CEP152: variants seen among roughly 807,000 people sequenced by gnomAD.
CEP152 encodes centrosomal protein of 152 kDa.
CEP152 carries 132 observed loss-of-function variants against 188.9 expected under a neutral mutation model. The ratio of observed to expected loss-of-function variants is 0.70; its 90% confidence interval spans 0.61 to 0.81. The LOEUF (loss-of-function observed/expected upper bound fraction) is 0.81, where lower values mean the gene tolerates loss of function less well. Among genes scored for constraint, CEP152 ranks in the 30% least tolerant of loss-of-function variants. The probability of loss-of-function intolerance (pLI) is 0.00; values close to 1 mark genes in which losing one functional copy is unlikely to be tolerated. For synonymous variants in CEP152, 649 were observed against 666.6 expected, an observed-to-expected ratio of 0.97 and a Z score of 0.41; for missense variants, 1,914 against 1,969.8, an observed-to-expected ratio of 0.97 and a Z score of 0.54.
chr15:48,762,350 G>A, intron 18 of CEP152, 41 bp downstream of exon 18: 1 of 1,551,786 alleles, frequency 6.4e-7, no homozygotes, highest in Non-Finnish European at 8.9e-7. Flanking sequence ...TTAAGAGACA[G>A]GCAGTTCCAA....
At chr15:48,807,561 CAAAAAAAAAAA>C (rs11320949) in intron 1 of CEP152, among the ~76,000 whole-genome samples, 7 of 109,126 alleles carry the variant, frequency 6.4e-5, no homozygotes, top group Non-Finnish European at 1.3e-4. Flanking sequence ...GACTCCGTCT[CAAAAAAAAAAA>C]AAAAAAAGAG....
intron 18 of CEP152, 113 bp downstream of exon 18, chr15:48,762,278 C>A: frequency 9.3e-7 from 1 of 1,076,538 alleles, no homozygotes. Flanking sequence ...CCTAGAAATG[C>A]ACAAAATCTT....
intron 19 of CEP152, among the ~76,000 whole-genome samples, 163 bp from the exon 20 acceptor site, chr15:48,756,716 TACACTA>T (rs1287152390): frequency 6.6e-6 from 1 of 152,176 alleles, no homozygotes; most frequent in Non-Finnish European, 1.5e-5. Flanking sequence ...AAACTATACT[TACACTA>T]AAATTGGTCA....
At chr15:48,758,033 C>A (rs150840637) in intron 19 of CEP152, among the ~76,000 whole-genome samples, 1 of 152,326 alleles carries the variant, frequency 6.6e-6, no homozygotes, top group Non-Finnish European at 1.5e-5. Context: ...CTTTGCTGCA[C>A]ATTAGAATCA....
chr15:48,793,289 T>A, intron 7 of CEP152, 32 bp downstream of exon 7: 1 of 1,612,152 alleles, frequency 6.2e-7, no homozygotes, highest in African/African-American at 1.3e-5. Flanking sequence ...TAACTCAGTG[T>A]ACCTCATAAA....
At chr15:48,746,865 C>G (rs1893472321) in intron 22 of CEP152, among the ~76,000 whole-genome samples, 1 of 152,072 alleles carries the variant, frequency 6.6e-6, no homozygotes, top group Non-Finnish European at 1.5e-5. Flanking sequence ...GAAAGCCTCC[C>G]TGAGGAAGTA....
Position 48,793,081 on chromosome 15 carries a change from C to T in CEP152, c.832+240G>A, listed in dbSNP as rs34696223. On this transcript the variant is annotated intron_variant, in intron 7 of 26. Transcript: ENST00000380950. ...AAGTGATCCGCCCACCTCAGCCTCC[C>T]AAAGTGCTGGGATTACAGGCGTAAG... Among the ~76,000 whole-genome samples, 6,903 of 152,256 alleles carry T rather than the reference C, an allele frequency of 0.045. 191 individuals carry two copies. The highest frequency in any genetic ancestry group is 0.071 in the Non-Finnish European group (4,841 of 68,018).
At chr15:48,736,756 T>G (rs1892619121), downstream of CEP152, among the ~76,000 whole-genome samples, 1 of 152,208 alleles carries the variant, frequency 6.6e-6, no homozygotes, top group African/African-American at 2.4e-5. Context: ...GCAAGAGAAC[T>G]TCCAATTTCA....
At chr15:48,760,357 T>A in intron 18 of CEP152, 91 bp from the exon 19 acceptor site, 1 of 1,425,720 alleles carries the variant, frequency 7.0e-7, no homozygotes, top group Non-Finnish European at 9.8e-7. Flanking sequence ...TTCAGTATTT[T>A]ATACTGTATA....
chr15:48,776,047 A>AAC (rs970900747), intron 12 of CEP152, among the ~76,000 whole-genome samples: 5 of 152,004 alleles, frequency 3.3e-5, no homozygotes, highest in African/African-American at 1.2e-4. Flanking sequence ...GGGAAAAAAA[A>AAC]AACAGAAAAT....
At chr15:48,751,515 G>C (rs1893871200) in intron 21 of CEP152, among the ~76,000 whole-genome samples, 1 of 152,172 alleles carries the variant, frequency 6.6e-6, no homozygotes, top group Admixed American at 6.5e-5. Flanking sequence ...CTAAGATTCT[G>C]GTAACATTGC....
downstream of CEP152, among the ~76,000 whole-genome samples, chr15:48,734,258 A>G (rs1311811399): frequency 2.0e-5 from 3 of 151,282 alleles, no homozygotes; most frequent in Non-Finnish European, 2.9e-5. Context: ...ATAATAGCAC[A>G]AAGGAGGGGC....
intron 9 of CEP152, 78 bp from the exon 10 acceptor site, chr15:48,784,198 A>ATTT: frequency 7.4e-7 from 1 of 1,353,840 alleles, no homozygotes; most frequent in Non-Finnish European, 1.0e-6. Context: ...ATGATACATA[A>ATTT]TTAGATTTGA....
Position 48,796,092 on chromosome 15 carries a change from C to T in CEP152, c.609G>A (p.Gln203=). 2.5e-6 allele frequency: 4 copies of T among 1,613,832 alleles called. No individual in the cohort carries two copies. Among genetic ancestry groups the T allele is most frequent in the Non-Finnish European group, 3.4e-6 (4 of 1,179,852 alleles). ...VTYKPYQSSA[Q]NNGSPAQEIT... is the part of the protein sequence containing the mutation. ...TCTCCTGGGCTGGTGAGCCATTATT[C>T]TGGGCAGAAGACTGATAAGGTTTAT... is the stretch of plus-strand genomic sequence containing the variant. Residue 203 remains glutamine, a synonymous_variant, in exon 6 of 27, where the codon CAG becomes CAA. Coordinates refer to ENST00000380950, the MANE Select transcript of CEP152 (RefSeq NM_001194998.2).
intron 12 of CEP152, among the ~76,000 whole-genome samples, chr15:48,773,020 CTAACAGAAACAACA>C (rs1427125589): frequency 6.6e-6 from 1 of 152,068 alleles, no homozygotes; most frequent in Non-Finnish European, 1.5e-5. Flanking sequence ...CTTTATGACT[CTAACAGAAACAACA>C]TAAATATTAA....
At chr15:48,809,973 G>A (rs1212513263) in intron 1 of CEP152, among the ~76,000 whole-genome samples, 2 of 152,146 alleles carry the variant, frequency 1.3e-5, no homozygotes, top group African/African-American at 4.8e-5. Context: ...CATGGAGCTG[G>A]CCACTCCTTT....
intron 7 of CEP152, among the ~76,000 whole-genome samples, chr15:48,792,234 C>G (rs1897036671): frequency 6.6e-6 from 1 of 152,176 alleles, no homozygotes; most frequent in Non-Finnish European, 1.5e-5. Flanking sequence ...GCGTGACCCG[C>G]CCTCCTTGAC....
At chr15:48,794,741 T>C (rs2140897225) in intron 6 of CEP152, among the ~76,000 whole-genome samples, 1 of 152,318 alleles carries the variant, frequency 6.6e-6, no homozygotes. Flanking sequence ...ACTAAGGAGA[T>C]GTCAGGCCAC....
At chr15:48,754,010 A>G (rs1894079466) in intron 20 of CEP152, among the ~76,000 whole-genome samples, 1 of 152,204 alleles carries the variant, frequency 6.6e-6, no homozygotes, top group Non-Finnish European at 1.5e-5. Flanking sequence ...AGTTCCTCAC[A>G]TTTACAGCAC....
Sources: gnomAD v4.1 joint callset for allele counts (sites outside exome capture counted in the v4.1 genomes callset) on GRCh38, gnomAD v4.1.1 for gene constraint, MANE v1.5 for transcripts, NCBI Gene and HGNC (gene_info 2026-07-23, HGNC 2026-07-21) for gene names.